The following BCL9 variants were observed in gnomAD, a reference collection of about 807,000 sequenced individuals.
BCL9 encodes BCL9 transcription coactivator, also known as B-cell CLL/lymphoma 9 protein.
BCL9 carries 25 observed loss-of-function variants against 88.5 expected under a neutral mutation model. The observed-to-expected ratio is 0.28, with a 90% confidence interval of 0.21 to 0.39. The LOEUF (loss-of-function observed/expected upper bound fraction) is 0.39. Among genes scored for constraint, BCL9 ranks in the 10% least tolerant of loss-of-function variants. The probability of loss-of-function intolerance (pLI) is 1.00; values close to 1 mark genes in which losing one functional copy is unlikely to be tolerated. For synonymous variants in BCL9, 711 were observed against 673.3 expected (o/e 1.06, Z -0.87); for missense variants, 1,817 against 1,877.8 (o/e 0.97, Z 0.60).
rs1368931397 is a variant in BCL9, at chr1:147,559,707, T to C, written c.-478+18033T>C. Reference sequence around the variant, plus strand: ...GGAGCCAAATGTTATAATAGAAATGTACTCTCTTCCTTCCTCCTTCAGAGA... The same window carrying C: ...GGAGCCAAATGTTATAATAGAAATGCACTCTCTTCCTTCCTCCTTCAGAGA... On this transcript the variant is annotated intron_variant, in intron 1 of 9. Coordinates refer to ENST00000234739, the MANE Select transcript of BCL9 (RefSeq NM_004326.4). Among the ~76,000 whole-genome samples, 3 of 152,234 alleles carry C rather than the reference T, an allele frequency of 2.0e-5. No homozygotes were observed. The East Asian group carries it at 5.8e-4, about 29-fold the overall frequency.
At chr1:147,545,633 C>G (rs1553194185) in intron 1 of BCL9, among the ~76,000 whole-genome samples, 11 of 152,068 alleles carry the variant, frequency 7.2e-5, no homozygotes, top group Non-Finnish European at 4.4e-5. Flanking sequence ...AAAGTAAAAC[C>G]AACACAACAT....
At chr1:147,570,036 C>T (rs1472507071) in intron 1 of BCL9, among the ~76,000 whole-genome samples, 3 of 152,128 alleles carry the variant, frequency 2.0e-5, no homozygotes, top group African/African-American at 7.2e-5. Flanking sequence ...TGATGTCTAA[C>T]GGAGCTTGTG....
intron 1 of BCL9, among the ~76,000 whole-genome samples, chr1:147,562,061 G>A (rs782615929): frequency 3.4e-4 from 51 of 152,220 alleles, no homozygotes; most frequent in Non-Finnish European, 6.0e-4. Flanking sequence ...GGGCGTGGTG[G>A]CTCACGCCTG....
At chr1:147,585,396 A>G (rs1302346243) in intron 1 of BCL9, among the ~76,000 whole-genome samples, 1 of 152,162 alleles carries the variant, frequency 6.6e-6, no homozygotes, top group Non-Finnish European at 1.5e-5. Flanking sequence ...TGTGACAAAG[A>G]GTACAGCTTG....
intron 1 of BCL9, among the ~76,000 whole-genome samples, chr1:147,563,884 A>G (rs2101507973): frequency 6.6e-6 from 1 of 152,368 alleles, no homozygotes; most frequent in East Asian, 1.9e-4. Flanking sequence ...TCCTGAAAAC[A>G]GGTAAAATGA....
intron 1 of BCL9, among the ~76,000 whole-genome samples, chr1:147,584,723 T>G (rs1354177009): frequency 1.3e-5 from 2 of 152,212 alleles, no homozygotes; most frequent in Non-Finnish European, 2.9e-5. Context: ...ACTGTAAATT[T>G]CAGTAGCATC....
chr1:147,543,424 T>A lies in BCL9; in HGVS notation c.-478+1750T>A, dbSNP rs140398718. Among the ~76,000 whole-genome samples, 14 of 152,386 alleles carry A rather than the reference T, an allele frequency of 9.2e-5. No individual in the cohort carries two copies. The East Asian group carries it at 2.3e-3, about 25-fold the overall frequency. On this transcript the variant is annotated intron_variant, in intron 1 of 9. Coordinates refer to ENST00000234739, the MANE Select transcript of BCL9 (RefSeq NM_004326.4). ...CCAGCCCTGGCTGAGAATATTTATG[T>A]GCTTTTCACAGAGGCCTGGAAACCT...
intron 1 of BCL9, among the ~76,000 whole-genome samples, chr1:147,597,790 G>C (rs10465880): frequency 0.044 from 6,644 of 152,120 alleles, 477 homozygotes; most frequent in African/African-American, 0.15. Context: ...ACTTTTTAGC[G>C]TGCTTAAATT....
rs1658017549 is a variant in BCL9 at position 147,611,820 on chromosome 1, G to A, written c.-17G>A. The A allele has an allele frequency of 6.2e-7, 1 of 1,613,718 alleles. No homozygotes were observed. The highest frequency in any genetic ancestry group is 1.7e-5 in the Admixed American group (1 of 60,004). ...GAGCCTGTCCCGTTTGTGACTGCAA[G>A]CTCAGGATTTCAATCAATGCATTCC... On this transcript the variant is annotated 5_prime_UTR_variant, in exon 4 of 10. Transcript: ENST00000234739.
At chr1:147,616,028 C>A in intron 7 of BCL9, 126 bp downstream of exon 7, 1 of 904,590 alleles carries the variant, frequency 1.1e-6, no homozygotes, top group South Asian at 1.6e-5. Flanking sequence ...TGGCATTTAA[C>A]CTAATTCTGG....
intron 2 of BCL9, among the ~76,000 whole-genome samples, chr1:147,605,389 C>T (rs1197929478): frequency 1.3e-5 from 2 of 152,102 alleles, no homozygotes; most frequent in Non-Finnish European, 2.9e-5. Context: ...CCATGGAGGA[C>T]ATACAGAGGA....
Position 147,574,033 on chromosome 1 carries a change from T to C in BCL9, c.-477-30744T>C, listed in dbSNP as rs1656004080. Among the ~76,000 whole-genome samples the C allele has an allele frequency of 2.0e-5, 3 of 152,310 alleles. No homozygotes were observed. The South Asian group carries it at 6.2e-4, about 32-fold the overall frequency. ...GCCAAGTACTATCCTGCATTATATA[T>C]ATGTTACCTCTTTAATCCTCACAGA... is the stretch of plus-strand genomic sequence containing the variant. On this transcript the variant is annotated intron_variant, in intron 1 of 9. Transcript: ENST00000234739.
intron 3 of BCL9, among the ~76,000 whole-genome samples, chr1:147,609,293 A>G (rs1312642709): frequency 6.6e-6 from 1 of 152,226 alleles, no homozygotes; most frequent in Non-Finnish European, 1.5e-5. Context: ...TTTTTTGCTC[A>G]GTCGTTTTTA....
chr1:147,613,690 A>G (rs1281619175), intron 5 of BCL9, among the ~76,000 whole-genome samples: 2 of 152,146 alleles, frequency 1.3e-5, no homozygotes, highest in South Asian at 2.1e-4. Flanking sequence ...GCAGTAGTCC[A>G]GATTTGTTAC....
chr1:147,568,308 A>G (rs1553196950), intron 1 of BCL9, among the ~76,000 whole-genome samples: 1 of 152,166 alleles, frequency 6.6e-6, no homozygotes, highest in East Asian at 1.9e-4. Context: ...TTCCTAATAA[A>G]TGCCCTGTTG....
chr1:147,607,956 C>CAG (rs1439972949), intron 3 of BCL9, among the ~76,000 whole-genome samples: 11 of 151,958 alleles, frequency 7.2e-5, no homozygotes, highest in Non-Finnish European at 1.6e-4. Context: ...GAAGATGACT[C>CAG]AGAGTAGAGT....
rs377751000 is a variant in BCL9, at chr1:147,620,593, G to A, written c.2438G>A (p.Arg813Gln). The change falls in exon 8 of 10, where the codon CGG (arginine) becomes CAG (glutamine). Residue 813 changes from arginine (R) to glutamine (Q), a missense_variant. Coordinates refer to ENST00000234739, the MANE Select transcript of BCL9 (RefSeq NM_004326.4). The part of the protein sequence containing the change: ...PIGPDQRTNS[R>Q]LSHMPPLPLN... ...GGGCCCGACCAGAGGACTAACAGCC[G>A]GCTCAGTCATATGCCACCACTACCT... The A allele has an allele frequency of 1.7e-5, 27 of 1,613,978 alleles. No homozygotes were observed. The highest frequency in any genetic ancestry group is 5.3e-5 in the African/African-American group (4 of 74,878).
intron 1 of BCL9, among the ~76,000 whole-genome samples, chr1:147,599,179 G>A (rs1490618442): frequency 2.0e-5 from 3 of 152,350 alleles, no homozygotes; most frequent in African/African-American, 7.2e-5. Flanking sequence ...CTGCACCCCC[G>A]GCGCATCAGC....
chr1:147,552,061 A>G (rs1408002179), intron 1 of BCL9, among the ~76,000 whole-genome samples: 9 of 152,172 alleles, frequency 5.9e-5, no homozygotes, highest in Non-Finnish European at 1.2e-4. Context: ...AGAGAGACAG[A>G]TATTCACAGA....
Sources: allele counts gnomAD v4.1 joint callset (sites outside exome capture counted in the v4.1 genomes callset), GRCh38; gene constraint gnomAD v4.1.1; transcripts MANE v1.5; gene names NCBI Gene and HGNC (gene_info 2026-07-23, HGNC 2026-07-21).